Variants in TBL1X observed in about 807,000 individuals in gnomAD.
The protein encoded by TBL1X is transducin beta like 1 X-linked.
Under a neutral mutation model 50.7 loss-of-function variants are expected in TBL1X, and 10 were observed. The ratio of observed to expected loss-of-function variants is 0.20; its 90% confidence interval spans 0.12 to 0.33. The LOEUF (loss-of-function observed/expected upper bound fraction) is 0.33. Ranked by LOEUF, TBL1X falls within the 10% of genes least tolerant of loss-of-function variation. TBL1X has a pLI of 1.00. For missense variants in TBL1X, 340 were observed against 504.4 expected (o/e 0.67, Z 3.12); for synonymous variants, 190 against 214.7 (o/e 0.88, Z 1.01).
In TBL1X at chrX:9,597,399, C is replaced by T. The variant is rs184052452; in HGVS notation, c.-130-42874C>T. On this transcript the variant is annotated intron_variant, in intron 2 of 17. Coordinates refer to ENST00000645353, the MANE Select transcript of TBL1X (RefSeq NM_005647.4). Reference sequence around the variant, plus strand: ...GTCTGTTTCAGAAGACTCAAGTCTACACTGCCTCTGCCACTGAAGTTCCTT... The same window carrying T: ...GTCTGTTTCAGAAGACTCAAGTCTATACTGCCTCTGCCACTGAAGTTCCTT... Among the ~76,000 whole-genome samples the T allele has an allele frequency of 6.3e-5, 7 of 111,994 alleles. No individual in the cohort carries two copies. The East Asian group carries it at 1.7e-3, about 27-fold the overall frequency.
At chrX:9,574,454 C>T (rs1478020229) in intron 2 of TBL1X, among the ~76,000 whole-genome samples, 1 of 37,124 alleles carries the variant, frequency 2.7e-5, no homozygotes, top group Non-Finnish European at 4.3e-5. Flanking sequence ...GACCCTGTCT[C>T]AAATGAAAAA....
At chrX:9,657,363 A>G (rs935139199) in intron 5 of TBL1X, among the ~76,000 whole-genome samples, 1 of 112,081 alleles carries the variant, frequency 8.9e-6, no homozygotes, top group African/African-American at 3.2e-5. Flanking sequence ...GACCCAGCAG[A>G]CCAGGTTGCC....
intron 5 of TBL1X, among the ~76,000 whole-genome samples, chrX:9,655,055 TC>T (rs2082857721): frequency 9.0e-6 from 1 of 111,425 alleles, no homozygotes; most frequent in Non-Finnish European, 1.9e-5. Context: ...CATGTTTGCC[TC>T]CCCGCCTTCC....
chrX:9,696,960 C>T (rs1267036074), intron 11 of TBL1X, among the ~76,000 whole-genome samples: 2 of 112,140 alleles, frequency 1.8e-5, no homozygotes, highest in Admixed American at 1.9e-4. Flanking sequence ...GTTGCAACCT[C>T]AGGCATAAAT....
intron 13 of TBL1X, among the ~76,000 whole-genome samples, chrX:9,706,811 A>T (rs991442715): frequency 9.0e-6 from 1 of 111,200 alleles, no homozygotes; most frequent in Non-Finnish European, 1.9e-5. Flanking sequence ...ACGTGCAGCC[A>T]AGCACCTTGC....
chrX:9,556,727 C>G (rs945310887), intron 2 of TBL1X, among the ~76,000 whole-genome samples: 5 of 109,712 alleles, frequency 4.6e-5, no homozygotes, highest in African/African-American at 1.7e-4. Flanking sequence ...AAAATCGAGG[C>G]ATCTACAGGG....
At chrX:9,481,464 A>G (rs1288143033) in intron 1 of TBL1X, among the ~76,000 whole-genome samples, 1 of 112,326 alleles carries the variant, frequency 8.9e-6, no homozygotes, top group Non-Finnish European at 1.9e-5. Context: ...ACTGTTTGCA[A>G]GTATACTTAA....
In TBL1X at chrX:9,692,358, G is replaced by A. The variant is rs1218969646; in HGVS notation, c.891+104G>A. The A allele has an allele frequency of 4.9e-6, 5 of 1,025,007 alleles. No homozygotes were observed. In the East Asian group the frequency reaches 1.6e-4, roughly 33 times the overall value. 84.5% of individuals were successfully genotyped at this position (1,025,007 alleles called of 1,213,427 possible). A position where few individuals can be genotyped will look rare whatever the true frequency, so the allele number is the denominator to read the frequency against. ...CCCATGCAGACATAGGAGGCAGGTG[G>A]TCCTGTGTGCTCAGCCCCCACTCTG... On this transcript the variant is annotated intron_variant, in intron 9 of 17. Transcript: ENST00000645353.
intron 2 of TBL1X, among the ~76,000 whole-genome samples, chrX:9,608,152 G>A (rs934377257): frequency 9.1e-6 from 1 of 110,422 alleles, no homozygotes; most frequent in African/African-American, 3.3e-5. Flanking sequence ...TGATTGGACT[G>A]GGGTGGTAGG....
At chrX:9,574,976 C>T (rs2082403510) in intron 2 of TBL1X, among the ~76,000 whole-genome samples, 2 of 111,599 alleles carry the variant, frequency 1.8e-5, no homozygotes, top group Non-Finnish European at 3.8e-5. Flanking sequence ...TACCCCATGC[C>T]CACTGTATTA....
chrX:9,630,999 AATAT>A (rs111898957), intron 2 of TBL1X, among the ~76,000 whole-genome samples: 5 of 109,161 alleles, frequency 4.6e-5, no homozygotes, highest in African/African-American at 6.6e-5. Flanking sequence ...ATATATGGAT[AATAT>A]ATATATATAT....
intron 2 of TBL1X, among the ~76,000 whole-genome samples, chrX:9,543,552 G>T (rs949373055): frequency 1.7e-4 from 19 of 109,935 alleles, no homozygotes; most frequent in African/African-American, 5.6e-4. Flanking sequence ...GAAAGAGGAG[G>T]CAGAGCTGTC....
chrX:9,639,979 TAGC>T (rs1744489741), intron 2 of TBL1X: 1 of 112,483 alleles, frequency 8.9e-6, no homozygotes, highest in Non-Finnish European at 1.9e-5. Context: ...CTTTAAATAA[TAGC>T]AGTAGCAATA....
intron 2 of TBL1X, among the ~76,000 whole-genome samples, chrX:9,629,745 C>T (rs877633): frequency 0.36 from 40,035 of 110,440 alleles, 5,931 homozygotes; most frequent in Non-Finnish European, 0.47. Context: ...ATGGCAGTTG[C>T]GTGTAGGATA....
chrX:9,606,364 C>G (rs1043207247), intron 2 of TBL1X, among the ~76,000 whole-genome samples: 8 of 111,974 alleles, frequency 7.1e-5, no homozygotes, highest in African/African-American at 2.6e-4. Context: ...TCAGAAAATT[C>G]TGGGAAAATT....
intron 2 of TBL1X, among the ~76,000 whole-genome samples, chrX:9,569,131 G>A (rs1004187096): frequency 4.9e-5 from 5 of 103,053 alleles, no homozygotes; most frequent in Non-Finnish European, 5.9e-5. Context: ...TGCTGTGTGC[G>A]TTGTGTCTAT....
At chrX:9,631,023 C>T (rs746058209) in intron 2 of TBL1X, among the ~76,000 whole-genome samples, 2 of 111,074 alleles carry the variant, frequency 1.8e-5, no homozygotes, top group African/African-American at 3.3e-5. Context: ...TATTCAGTAA[C>T]GATATACATG....
At chrX:9,509,109 C>T (rs199672122) in intron 2 of TBL1X, among the ~76,000 whole-genome samples, 9 of 107,896 alleles carry the variant, frequency 8.3e-5, no homozygotes, top group Middle Eastern at 4.7e-3. Flanking sequence ...TAGAAAAAGC[C>T]GGGTGCGGTG....
Position 9,716,431 on chromosome X carries a change from C to A in TBL1X, c.*185C>A. On this transcript the variant is annotated 3_prime_UTR_variant, in exon 18 of 18. Coordinates refer to ENST00000645353, the MANE Select transcript of TBL1X (RefSeq NM_005647.4). ...TCTTCATCAAGAAGTTTTTAAAAGG[C>A]AAGCAAAAACAGAAGCAAATCATAT... 2.3e-6 allele frequency: 1 copy of A among 426,203 alleles called. No individual in the cohort carries two copies. Among genetic ancestry groups the A allele is most frequent in the East Asian group, 4.1e-5 (1 of 24,517 alleles). The allele number at this position is 426,203 out of a possible 1,213,427, so 35.1% of individuals were successfully genotyped here.
Sources: allele counts gnomAD v4.1 joint callset (sites outside exome capture counted in the v4.1 genomes callset), GRCh38; gene constraint gnomAD v4.1.1; transcripts MANE v1.5; gene names NCBI Gene and HGNC (gene_info 2026-07-23, HGNC 2026-07-21).